CNTN4: variants seen among roughly 807,000 people sequenced by gnomAD.
The protein encoded by CNTN4 is contactin 4, also known as contactin-4.
In CNTN4, 77 loss-of-function variants were observed where a neutral mutation model predicts 122.5. The observed-to-expected ratio is 0.63, with a 90% CI of 0.52 to 0.76. The LOEUF is 0.76. Ranked by LOEUF, CNTN4 falls within the 30% of genes least tolerant of loss-of-function variation. The pLI is 0.00. For synonymous variants in CNTN4, 512 were observed against 447.0 expected (o/e 1.15, Z -1.83); for missense variants, 1,256 against 1,259.1 (o/e 1.00, Z 0.04).
At chr3:2,227,782 T>C (rs968211301) in intron 2 of CNTN4, among the ~76,000 whole-genome samples, 2 of 152,154 alleles carry the variant, frequency 1.3e-5, no homozygotes, top group African/African-American at 2.4e-5. Context: ...AGAGAGGAGA[T>C]TAAATAGTAA....
intron 3 of CNTN4, among the ~76,000 whole-genome samples, chr3:2,395,739 TG>T (rs1238800834): frequency 6.6e-6 from 1 of 152,194 alleles, no homozygotes; most frequent in Non-Finnish European, 1.5e-5. Flanking sequence ...CTTAGAGTAA[TG>T]GCCTCCAACT....
chr3:2,372,196 T>C (rs2045657470), intron 3 of CNTN4, among the ~76,000 whole-genome samples: 4 of 152,202 alleles, frequency 2.6e-5, no homozygotes, highest in African/African-American at 9.7e-5. Flanking sequence ...TAGCTCTATT[T>C]ATTTATTTAT....
chr3:2,630,708 G>A, intron 4 of CNTN4, among the ~76,000 whole-genome samples: 1 of 111,204 alleles, frequency 9.0e-6, no homozygotes, highest in Non-Finnish European at 1.8e-5. Context: ...GGGAGTGTGT[G>A]TGTGTGTGTG....
chr3:2,260,118 C>T (rs2040766368), intron 2 of CNTN4, among the ~76,000 whole-genome samples: 1 of 152,096 alleles, frequency 6.6e-6, no homozygotes. Flanking sequence ...TTTTCTTGCC[C>T]AAGAATGGGG....
chr3:2,493,399 T>C (rs959031869), intron 3 of CNTN4, among the ~76,000 whole-genome samples: 3 of 151,624 alleles, frequency 2.0e-5, no homozygotes, highest in Non-Finnish European at 2.9e-5. Context: ...AGGAAAACTT[T>C]CCTGAAACCT....
chr3:2,118,684 T>C (rs2125182942), intron 2 of CNTN4, among the ~76,000 whole-genome samples: 1 of 152,276 alleles, frequency 6.6e-6, no homozygotes, highest in African/African-American at 2.4e-5. Context: ...ATATTGAGTT[T>C]GATAGATTTT....
intron 4 of CNTN4, among the ~76,000 whole-genome samples, chr3:2,573,466 G>A (rs1330257809): frequency 2.0e-5 from 3 of 152,106 alleles, no homozygotes; most frequent in Non-Finnish European, 4.4e-5. Flanking sequence ...CCTCCTAAGG[G>A]ATTCGACTGA....
At chr3:2,343,884 T>G (rs2044299268) in intron 3 of CNTN4, among the ~76,000 whole-genome samples, 1 of 152,178 alleles carries the variant, frequency 6.6e-6, no homozygotes, top group African/African-American at 2.4e-5. Flanking sequence ...GGCACCAGCA[T>G]CTGTGTGTGG....
chr3:2,976,229 C>T (rs1420010926), intron 13 of CNTN4, among the ~76,000 whole-genome samples: 1 of 152,186 alleles, frequency 6.6e-6, no homozygotes, highest in African/African-American at 2.4e-5. Context: ...CATCCAGCCC[C>T]AGGCAGAGAG....
At chr3:2,594,216 T>C (rs2080646808) in intron 4 of CNTN4, among the ~76,000 whole-genome samples, 1 of 77,498 alleles carries the variant, frequency 1.3e-5, no homozygotes, top group Non-Finnish European at 2.5e-5. Context: ...TTGAACACAA[T>C]TTTGGAGAAA....
At chr3:2,450,655 C>T (rs1343146425) in intron 3 of CNTN4, among the ~76,000 whole-genome samples, 1 of 152,116 alleles carries the variant, frequency 6.6e-6, no homozygotes, top group Non-Finnish European at 1.5e-5. Context: ...AGCCAAATGC[C>T]ACTCAAGGTT....
At position 2,819,482 on chromosome 3, in the gene CNTN4, A is replaced by G. The variant is rs1421652446; in HGVS notation, c.359-4A>G. Reference sequence around the variant, plus strand: ...AATGCTTTTTCCCATATTTCTCCCAACAGATCTTGACAACTTTAAAACAAG... The same window carrying G: ...AATGCTTTTTCCCATATTTCTCCCAGCAGATCTTGACAACTTTAAAACAAG... On this transcript the variant is annotated splice_region_variant and splice_polypyrimidine_tract_variant and intron_variant, in intron 6 of 24. Coordinates refer to ENST00000418658, the MANE Select transcript of CNTN4 (RefSeq NM_175607.3). The G allele has an allele frequency of 1.2e-6, 2 of 1,610,964 alleles. No individual in the cohort carries two copies. The highest frequency in any genetic ancestry group is 2.2e-5 in the East Asian group (1 of 44,876).
intron 2 of CNTN4, among the ~76,000 whole-genome samples, chr3:2,157,750 A>G (rs1332125624): frequency 1.3e-5 from 2 of 152,198 alleles, no homozygotes; most frequent in Admixed American, 6.5e-5. Context: ...TCTCATCACT[A>G]AGTTATAGTT....
At chr3:2,705,842 T>C (rs1229703059) in intron 4 of CNTN4, among the ~76,000 whole-genome samples, 1 of 104,072 alleles carries the variant, frequency 9.6e-6, no homozygotes, top group Non-Finnish European at 1.7e-5. Context: ...ATATAATATA[T>C]AATATATAAT....
chr3:2,154,373 C>T (rs1386017176), intron 2 of CNTN4, among the ~76,000 whole-genome samples: 2 of 145,346 alleles, frequency 1.4e-5, no homozygotes, highest in African/African-American at 5.1e-5. Context: ...CAAAGTGACA[C>T]TGTCTCAAAA....
At chr3:2,552,608 T>G (rs2078554958) in intron 3 of CNTN4, among the ~76,000 whole-genome samples, 1 of 152,224 alleles carries the variant, frequency 6.6e-6, no homozygotes, top group Non-Finnish European at 1.5e-5. Flanking sequence ...AGGTGATTTA[T>G]TATTCAGAGA....
At chr3:2,463,933 A>G (rs2075408171) in intron 3 of CNTN4, among the ~76,000 whole-genome samples, 1 of 152,146 alleles carries the variant, frequency 6.6e-6, no homozygotes, top group African/African-American at 2.4e-5. Flanking sequence ...TAGAACCAGA[A>G]CAAGTGTGTT....
intron 2 of CNTN4, among the ~76,000 whole-genome samples, chr3:2,150,145 T>G (rs893849493): frequency 6.6e-6 from 1 of 152,164 alleles, no homozygotes; most frequent in African/African-American, 2.4e-5. Context: ...TAAGAAGCAT[T>G]TACCACAGAG....
intron 2 of CNTN4, among the ~76,000 whole-genome samples, chr3:2,198,720 T>C (rs1191021835): frequency 6.6e-6 from 1 of 152,186 alleles, no homozygotes; most frequent in African/African-American, 2.4e-5. Flanking sequence ...CTGCTTCATT[T>C]TGAATTTCAT....
Sources: allele counts gnomAD v4.1 joint callset (sites outside exome capture counted in the v4.1 genomes callset), GRCh38; gene constraint gnomAD v4.1.1; transcripts MANE v1.5; gene names NCBI Gene and HGNC (gene_info 2026-07-23, HGNC 2026-07-21).